CHAMP1: variants seen among roughly 807,000 people sequenced by gnomAD.
The protein encoded by CHAMP1 is chromosome alignment-maintaining phosphoprotein 1.
CHAMP1 carries 4 observed loss-of-function variants against 54.5 expected under a neutral mutation model. The ratio of observed to expected loss-of-function variants is 0.07; its 90% confidence interval spans 0.04 to 0.17. The LOEUF is 0.17. Ranked by LOEUF, CHAMP1 falls within the 10% of genes least tolerant of loss-of-function variation. The pLI, the probability that CHAMP1 is intolerant of heterozygous loss-of-function variation, is 1.00. For synonymous variants in CHAMP1, 368 were observed against 342.2 expected (o/e 1.08, Z -0.83); for missense variants, 994 against 968.6 (o/e 1.03, Z -0.35).
rs1555379756 is a variant in CHAMP1 at position 114,325,239 on chromosome 13, C to G, written c.1397C>G (p.Pro466Arg). 1.2e-6 allele frequency: 2 copies of G among 1,614,178 alleles called. No individual in the cohort carries two copies. The highest frequency in any genetic ancestry group is 1.3e-5 in the African/African-American group (1 of 75,038). The part of the protein sequence containing the change: ...RKTSPASLDF[P>R]ESQKSSRGGS... Reference sequence around the variant, plus strand: ...ACTTCTCCTGCTTCACTTGATTTCCCTGAGTCCCAGAAAAGTTCCCGTGGT... The same window carrying G: ...ACTTCTCCTGCTTCACTTGATTTCCGTGAGTCCCAGAAAAGTTCCCGTGGT... The change falls in exon 3 of 3, where the codon CCT (proline) becomes CGT (arginine). Residue 466 changes from proline to arginine, a missense_variant. Pro to Arg is a moderately radical substitution (Grantham distance 103, BLOSUM62 -2). Around this residue, in one of 3 missense-constraint regions of CHAMP1, gnomAD observed 851 missense variants for 701.3 expected, o/e 1.21. Transcript: ENST00000361283.
rs1229843473 is a variant in CHAMP1 at position 114,325,945 on chromosome 13, C to T, written c.2103C>T (p.Tyr701=). ...AFISEEEIAK[Y]MKRGKGKYYC... is the part of the protein sequence containing the mutation. ...TCTCTGAAGAGGAGATTGCAAAATA[C>T]ATGAAGCGTGGAAAAGGAAAGTATT... Residue 701 remains tyrosine (Y), a synonymous_variant, in exon 3 of 3, where the codon TAC becomes TAT. Transcript: ENST00000361283. The T allele has an allele frequency of 5.0e-6, 8 of 1,614,010 alleles. No homozygotes were observed. The African/African-American group carries it at 6.7e-5, about 13-fold the overall frequency.
intron 2 of CHAMP1, chr13:114,322,491 G>C (rs535250882): frequency 6.6e-6 from 1 of 152,294 alleles, no homozygotes; most frequent in Non-Finnish European, 1.5e-5. Context: ...TAACACAATA[G>C]TGAAATACTA....
intron 2 of CHAMP1, 21 bp from the exon 3 acceptor site, chr13:114,323,767 T>C: frequency 6.7e-7 from 1 of 1,499,918 alleles, no homozygotes; most frequent in Non-Finnish European, 8.9e-7. Context: ...ATGAAAATAA[T>C]TTATTCCTAC....
intron 1 of CHAMP1, among the ~76,000 whole-genome samples, chr13:114,315,393 TTGAC>T (rs1211733440): frequency 6.6e-6 from 1 of 152,104 alleles, no homozygotes; most frequent in African/African-American, 2.4e-5. Flanking sequence ...CCCCCAAAAA[TTGAC>T]AGCAGAGACT....
chr13:114,315,960 C>T (rs117031493), intron 1 of CHAMP1, among the ~76,000 whole-genome samples: 1,637 of 151,758 alleles, frequency 0.011, 88 homozygotes, highest in Admixed American at 0.075. Flanking sequence ...CCTCATTCTC[C>T]CAAGTAGCTG....
intron 2 of CHAMP1, chr13:114,322,888 G>C (rs1424952623): frequency 6.6e-6 from 1 of 152,202 alleles, no homozygotes; most frequent in Non-Finnish European, 1.5e-5. Flanking sequence ...ATCTCGTACT[G>C]TGTGAATGTG....
chr13:114,323,499 C>T, intron 2 of CHAMP1: 1 of 218,554 alleles, frequency 4.6e-6, no homozygotes, highest in Non-Finnish European at 8.9e-6. Context: ...AGTCCTATAG[C>T]CTGGACCAGA....
chr13:114,325,344 C>T lies in CHAMP1; in HGVS notation c.1502C>T (p.Pro501Leu). ...TTCCCTGAGACCCGAAAACCAGGTCCTTCTGGGCCATCTGAGTCCCCCAAA... is the reference window on the plus strand; with the variant it reads ...TTCCCTGAGACCCGAAAACCAGGTCTTTCTGGGCCATCTGAGTCCCCCAAA... Reference protein sequence around the residue: ...PVFPETRKPGPSGPSESPKAA... With the variant: ...PVFPETRKPGLSGPSESPKAA... The change falls in exon 3 of 3, where the codon CCT becomes CTT. Residue 501 changes from proline (P) to leucine (L), a missense_variant. Transcript: ENST00000361283. 6.2e-7 allele frequency: 1 copy of T among 1,614,142 alleles called. No homozygotes were observed. Among genetic ancestry groups the T allele is most frequent in the Non-Finnish European group, 8.5e-7 (1 of 1,180,026 alleles).
chr13:114,324,418 T>A lies in CHAMP1; in HGVS notation c.576T>A (p.Pro192=). The part of the protein sequence containing the change: ...VSSPEPPKSV[P]VCESQKLAPV... ...CTCCTGAACCTCCAAAATCAGTCCC[T>A]GTTTGTGAGTCTCAGAAACTTGCCC... The change falls in exon 3 of 3, where the codon CCT becomes CCA. Residue 192 remains proline, a synonymous_variant. Transcript: ENST00000361283. The A allele has an allele frequency of 1.2e-6, 2 of 1,614,202 alleles. No homozygotes were observed. The highest frequency in any genetic ancestry group is 2.2e-5 in the South Asian group (2 of 91,084).
chr13:114,326,255 C>A lies in CHAMP1; in HGVS notation c.2413C>A (p.Pro805Thr). The A allele has an allele frequency of 1.9e-6, 3 of 1,581,900 alleles. No homozygotes were observed. Among genetic ancestry groups the A allele is most frequent in the African/African-American group, 2.7e-5 (2 of 73,250 alleles). ...ANKKLMEALE[P>T]PLEEQQI ...TAAAAAGCTAATGGAAGCTCTTGAA[C>A]CGCCACTGGAGGAGCAGCAAATTTG... Residue 805 changes from proline (P) to threonine (T), a missense_variant, in exon 3 of 3, where the codon CCG (proline) becomes ACG (threonine). By Grantham distance (38) the Pro-to-Thr change is conservative. Coordinates refer to ENST00000361283, the MANE Select transcript of CHAMP1 (RefSeq NM_032436.4).
chr13:114,321,399 C>T (rs1372140457), intron 2 of CHAMP1, among the ~76,000 whole-genome samples, 167 bp downstream of exon 2: 1 of 151,986 alleles, frequency 6.6e-6, no homozygotes, highest in East Asian at 1.9e-4. Context: ...GAAGTGAATT[C>T]TGTAGCATTC....
intron 1 of CHAMP1, among the ~76,000 whole-genome samples, chr13:114,315,939 G>T (rs369679413): frequency 6.6e-6 from 1 of 151,254 alleles, no homozygotes; most frequent in Non-Finnish European, 1.5e-5. Context: ...TGGGTTCAAG[G>T]GATTCTTTTG....
At chr13:114,323,278 C>T (rs890701347) in intron 2 of CHAMP1, 2 of 152,230 alleles carry the variant, frequency 1.3e-5, no homozygotes, top group African/African-American at 4.8e-5. Context: ...AAGCCAGCAT[C>T]ATGTTTTAAA....
intron 1 of CHAMP1, among the ~76,000 whole-genome samples, chr13:114,315,835 GT>G (rs1194478086): frequency 1.2e-3 from 159 of 129,908 alleles, no homozygotes; most frequent in East Asian, 3.1e-3. Flanking sequence ...GGCAAGTTTT[GT>G]TTTTTTTTTT....
intron 1 of CHAMP1, among the ~76,000 whole-genome samples, chr13:114,317,474 A>AT: frequency 6.6e-6 from 1 of 152,008 alleles, no homozygotes; most frequent in African/African-American, 2.4e-5. Flanking sequence ...GAAAAAAAAA[A>AT]TTAGCCAGAT....
chr13:114,317,956 C>T (rs1159614142), intron 1 of CHAMP1, among the ~76,000 whole-genome samples: 1 of 152,168 alleles, frequency 6.6e-6, no homozygotes, highest in Non-Finnish European at 1.5e-5. Context: ...TTAATCTGGA[C>T]AATTCTGAGT....
At position 114,321,092 on chromosome 13, in the gene CHAMP1, T is replaced by C. The variant is rs1374286692; in HGVS notation, c.-178-18T>C. On this transcript the variant is annotated intron_variant, in intron 1 of 2. Coordinates refer to ENST00000361283, the MANE Select transcript of CHAMP1 (RefSeq NM_032436.4). ...TATAGTTTTGATTACTTTTCTTTTT[T>C]TTTTTTTTTTTTTCCAGGTTCAACT... The C allele has an allele frequency of 7.0e-6, 1 of 142,710 alleles. No individual in the cohort carries two copies. Among genetic ancestry groups the C allele is most frequent in the African/African-American group, 2.5e-5 (1 of 40,422 alleles). 8.8% of individuals were successfully genotyped at this position (142,710 alleles called of 1,614,324 possible). A position where few individuals can be genotyped will look rare whatever the true frequency, so the allele number is the denominator to read the frequency against.
chr13:114,320,030 T>G (rs1172516515), intron 1 of CHAMP1, among the ~76,000 whole-genome samples: 1 of 152,166 alleles, frequency 6.6e-6, no homozygotes, highest in Non-Finnish European at 1.5e-5. Flanking sequence ...GGCTTCTGTT[T>G]GGAAGACAGG....
At position 114,324,702 on chromosome 13, in the gene CHAMP1, C is replaced by G. The variant is rs376748227; in HGVS notation, c.860C>G (p.Pro287Arg). Residue 287 changes from proline to arginine, a missense_variant, in exon 3 of 3, where the codon CCT (proline) becomes CGT (arginine). By Grantham distance (103) the Pro-to-Arg change is moderately radical. This residue lies in a region of CHAMP1 where 851 missense variants were observed against 701.3 expected (regional missense o/e 1.21). Coordinates refer to ENST00000361283, the MANE Select transcript of CHAMP1 (RefSeq NM_032436.4). ...AGGAAGCCATCCCCTTCAGAGTCTC[C>G]TGAACCTTGGAAGCCGTTCCCTGCT... ...EPRKPSPSES[P>R]EPWKPFPAVS... 1 of 1,613,734 alleles carries G rather than the reference C, an allele frequency of 6.2e-7. No individual in the cohort carries two copies. The highest frequency in any genetic ancestry group is 8.5e-7 in the Non-Finnish European group (1 of 1,179,832).
Sources: gnomAD v4.1 joint callset for allele counts (sites outside exome capture counted in the v4.1 genomes callset) on GRCh38, gnomAD v4.1.1 for gene constraint, gnomAD v4.1.1 regional missense constraint, MANE v1.5 for transcripts, NCBI Gene and HGNC (gene_info 2026-07-23, HGNC 2026-07-21) for gene names.